Variants in TSEN2 observed in about 807,000 individuals in gnomAD.
TSEN2 encodes tRNA splicing endonuclease subunit 2.
A neutral mutation model predicts 59.2 loss-of-function variants in TSEN2; 54 were observed. The ratio of observed to expected loss-of-function variants is 0.91; its 90% confidence interval spans 0.73 to 1.14. The LOEUF is 1.14. TSEN2 is among the 50% of genes most tolerant of loss of function. The pLI is 0.00. For missense variants in TSEN2, 636 were observed against 576.2 expected (o/e 1.10, Z -1.06); for synonymous variants, 195 against 198.2 (o/e 0.98, Z 0.14).
In TSEN2 at chr3:12,519,471, C is replaced by T. The variant is rs531343366; in HGVS notation, c.1099+274C>T. On this transcript the variant is annotated intron_variant, in intron 8 of 11. Transcript: ENST00000284995. ...ATCTTAGAAAAGCGTTCTGGCTGAG[C>T]GCCGTGGCTTACGCATGTAATCCCA... Among the ~76,000 whole-genome samples the T allele has an allele frequency of 7.9e-5, 12 of 152,270 alleles. 1 individual carries two copies. The South Asian group carries it at 1.0e-3, about 13-fold the overall frequency.
intron 8 of TSEN2, among the ~76,000 whole-genome samples, chr3:12,525,980 G>A (rs951526403): frequency 2.0e-5 from 3 of 152,154 alleles, no homozygotes; most frequent in African/African-American, 7.2e-5. Flanking sequence ...TAATCTTATG[G>A]GACCACGGTC....
chr3:12,489,998 A>C lies in TSEN2; in HGVS notation c.189+9A>C, dbSNP rs1402393870. 6.2e-7 allele frequency: 1 copy of C among 1,613,942 alleles called. No individual in the cohort carries two copies. The highest frequency in any genetic ancestry group is 8.5e-7 in the Non-Finnish European group (1 of 1,179,862). On this transcript the variant is annotated intron_variant, in intron 2 of 11. Coordinates refer to ENST00000284995, the MANE Select transcript of TSEN2 (RefSeq NM_025265.4). ...AGCAGCTCTATGGGAAAGTAAGTGC[A>C]GGCAGCCTTGGTAAGATTACTTTCA...
chr3:12,480,310 C>A (rs2052176795), upstream of TSEN2, among the ~76,000 whole-genome samples: 1 of 152,128 alleles, frequency 6.6e-6, no homozygotes, highest in Non-Finnish European at 1.5e-5. Context: ...TGCACATGGG[C>A]CTGCCCTGTG....
intron 6 of TSEN2, among the ~76,000 whole-genome samples, chr3:12,514,114 A>T (rs956687529): frequency 7.9e-5 from 12 of 152,268 alleles, no homozygotes; most frequent in Non-Finnish European, 1.6e-4. Flanking sequence ...ATTTTCAGAC[A>T]AAAGTAAGTG....
upstream of TSEN2, among the ~76,000 whole-genome samples, chr3:12,481,398 T>C (rs557961780): frequency 2.0e-5 from 3 of 152,284 alleles, no homozygotes; most frequent in South Asian, 6.2e-4. Flanking sequence ...AGTGTGCACA[T>C]TCCCAGCTGC....
chr3:12,505,280 A>G (rs865885803), intron 6 of TSEN2, 49 bp downstream of exon 6: 2 of 1,126,228 alleles, frequency 1.8e-6, no homozygotes, highest in African/African-American at 1.5e-5. Context: ...CTGGGCCTGA[A>G]CTACACTATA....
intron 8 of TSEN2, among the ~76,000 whole-genome samples, chr3:12,525,632 C>G (rs1261109007): frequency 6.6e-6 from 1 of 152,204 alleles, no homozygotes; most frequent in Admixed American, 6.5e-5. Flanking sequence ...TCTCAGCTCA[C>G]TGCATCCTCA....
chr3:12,502,221 C>T (rs1435572678), intron 4 of TSEN2, among the ~76,000 whole-genome samples: 1 of 152,158 alleles, frequency 6.6e-6, no homozygotes, highest in Admixed American at 6.5e-5. Context: ...GCATATCTAT[C>T]TGAAAACATT....
At chr3:12,500,806 T>C (rs1040965593) in intron 4 of TSEN2, among the ~76,000 whole-genome samples, 1 of 152,144 alleles carries the variant, frequency 6.6e-6, no homozygotes, top group African/African-American at 2.4e-5. Context: ...ATAGCTGGTA[T>C]GAGAACGTGA....
chr3:12,538,243 C>T (rs1274444047), downstream of TSEN2, among the ~76,000 whole-genome samples: 1 of 152,170 alleles, frequency 6.6e-6, no homozygotes, highest in Non-Finnish European at 1.5e-5. Context: ...GGATAAAACA[C>T]ATTAAAGTTT....
upstream of TSEN2, among the ~76,000 whole-genome samples, chr3:12,480,389 T>C (rs1211428433): frequency 6.6e-6 from 1 of 152,176 alleles, no homozygotes. Context: ...GGGCAGCTCA[T>C]ATGCCACCTC....
intron 10 of TSEN2, chr3:12,530,375 A>G (rs2057385309): frequency 1.0e-6 from 1 of 986,308 alleles, no homozygotes; most frequent in Non-Finnish European, 1.2e-6. Context: ...TGGCTAATCC[A>G]AGATCACACA....
intron 8 of TSEN2, among the ~76,000 whole-genome samples, chr3:12,526,150 G>A (rs2057063462): frequency 6.6e-6 from 1 of 151,864 alleles, no homozygotes; most frequent in Admixed American, 6.6e-5. Context: ...ACCAGCCTGG[G>A]CAACATAGGT....
chr3:12,534,938 T>C (rs193188739), downstream of TSEN2, among the ~76,000 whole-genome samples: 173 of 151,998 alleles, frequency 1.1e-3, no homozygotes, highest in African/African-American at 3.9e-3. Flanking sequence ...GCCACTGCAC[T>C]CCAGCCTGGG....
At position 12,492,799 on chromosome 3, in the gene TSEN2, C is replaced by T. The variant is rs139268602; in HGVS notation, c.271+582C>T. On this transcript the variant is annotated intron_variant, in intron 3 of 11. Transcript: ENST00000284995. The stretch of plus-strand genomic sequence containing the variant: ...AGAAATCCAAAAGTCTGACAATATA[C>T]TGCATTGGTGAGGACTTCAGAAACA... 7.0e-3 allele frequency among the ~76,000 whole-genome samples: 1,066 copies of T among 152,312 alleles called. 6 individuals are homozygous for T. The highest frequency in any genetic ancestry group is 0.024 in the African/African-American group (1,008 of 41,556).
At chr3:12,516,397 C>T (rs1224365843) in intron 6 of TSEN2, among the ~76,000 whole-genome samples, 1 of 151,822 alleles carries the variant, frequency 6.6e-6, no homozygotes, top group Admixed American at 6.6e-5. Context: ...CGCACTCCAG[C>T]CTGGACGACA....
At chr3:12,524,354 A>G (rs1020023861) in intron 8 of TSEN2, among the ~76,000 whole-genome samples, 2 of 152,220 alleles carry the variant, frequency 1.3e-5, no homozygotes, top group African/African-American at 2.4e-5. Context: ...ATTCTGTCAC[A>G]GTTCTAGGGG....
upstream of TSEN2, among the ~76,000 whole-genome samples, chr3:12,480,540 T>TG (rs1301084410): frequency 1.0e-4 from 15 of 143,778 alleles, no homozygotes; most frequent in Non-Finnish European, 1.8e-4. Context: ...TTTTTTTTTT[T>TG]TTTTTTTTTT....
At chr3:12,533,957 C>G (rs1283638629), downstream of TSEN2, among the ~76,000 whole-genome samples, 1 of 152,130 alleles carries the variant, frequency 6.6e-6, no homozygotes, top group African/African-American at 2.4e-5. Context: ...CTTGTGAATT[C>G]AGGAGGAGGG....
Sources: allele counts gnomAD v4.1 joint callset (sites outside exome capture counted in the v4.1 genomes callset), GRCh38; gene constraint gnomAD v4.1.1; transcripts MANE v1.5; gene names NCBI Gene and HGNC (gene_info 2026-07-23, HGNC 2026-07-21).